Variants in CABIN1 observed in about 807,000 individuals in gnomAD.
CABIN1 encodes calcineurin binding protein 1, also known as calcineurin-binding protein cabin-1.
A neutral mutation model predicts 227.7 loss-of-function variants in CABIN1; 133 were observed. The ratio of observed to expected loss-of-function variants is 0.58; its 90% CI spans 0.51 to 0.67. The LOEUF is 0.67. Among genes scored for constraint, CABIN1 ranks in the 30% least tolerant of loss-of-function variants. The pLI is 0.00. For synonymous variants in CABIN1, 1,086 were observed against 1,155.1 expected (o/e 0.94, Z 1.21); for missense variants, 2,408 against 2,852.5 (o/e 0.84, Z 3.55).
At chr22:24,148,932 G>C (rs1304906932) in intron 29 of CABIN1, among the ~76,000 whole-genome samples, 1 of 152,146 alleles carries the variant, frequency 6.6e-6, no homozygotes, top group Non-Finnish European at 1.5e-5. Context: ...GGTGGCTTCA[G>C]TCTGGAAATT....
At chr22:24,133,364 G>T (rs890091908) in intron 28 of CABIN1, among the ~76,000 whole-genome samples, 4 of 152,242 alleles carry the variant, frequency 2.6e-5, no homozygotes, top group African/African-American at 9.6e-5. Context: ...AGCCTGGCCA[G>T]CAGTGGGCAG....
chr22:24,128,187 C>T (rs1428680844), intron 28 of CABIN1, among the ~76,000 whole-genome samples: 1 of 151,744 alleles, frequency 6.6e-6, no homozygotes, highest in East Asian at 1.9e-4. Flanking sequence ...TACACACAAA[C>T]AGACACACAC....
At chr22:24,170,543 A>T (rs2046738274) in intron 33 of CABIN1, among the ~76,000 whole-genome samples, 1 of 152,238 alleles carries the variant, frequency 6.6e-6, no homozygotes, top group African/African-American at 2.4e-5. Flanking sequence ...GGCCCGAGAG[A>T]CAGGTCTGTC....
chr22:24,148,505 G>A (rs905807618), intron 29 of CABIN1, among the ~76,000 whole-genome samples: 1 of 152,220 alleles, frequency 6.6e-6, no homozygotes, highest in Non-Finnish European at 1.5e-5. Flanking sequence ...GAAGACCATA[G>A]CACCTGGTCG....
chr22:24,038,994 G>A (rs2037145330), intron 4 of CABIN1, among the ~76,000 whole-genome samples: 1 of 152,194 alleles, frequency 6.6e-6, no homozygotes, highest in African/African-American at 2.4e-5. Context: ...CAGTAGAGAG[G>A]GGCAGGCAGA....
At chr22:24,082,702 C>T (rs1358646675) in intron 19 of CABIN1, among the ~76,000 whole-genome samples, 1 of 152,228 alleles carries the variant, frequency 6.6e-6, no homozygotes, top group Non-Finnish European at 1.5e-5. Flanking sequence ...ATGTTGTTCA[C>T]ATCCTCTCTG....
At chr22:24,161,525 C>G (rs2046152340) in intron 29 of CABIN1, among the ~76,000 whole-genome samples, 2 of 151,888 alleles carry the variant, frequency 1.3e-5, no homozygotes, top group Admixed American at 1.3e-4. Flanking sequence ...CGCGGCGACC[C>G]TGCTTCTCTC....
chr22:24,155,634 C>T (rs920372288), intron 29 of CABIN1, among the ~76,000 whole-genome samples: 6 of 152,202 alleles, frequency 3.9e-5, no homozygotes, highest in Middle Eastern at 3.2e-3. Flanking sequence ...CCAGTCGTTT[C>T]CCCCACACAC....
At chr22:24,040,931 C>T (rs762300952) in intron 4 of CABIN1, among the ~76,000 whole-genome samples, 1 of 152,176 alleles carries the variant, frequency 6.6e-6, no homozygotes, top group African/African-American at 2.4e-5. Flanking sequence ...CTATTAATAC[C>T]TCAGGGTGGT....
At chr22:24,142,164 C>T (rs1354480669) in intron 29 of CABIN1, among the ~76,000 whole-genome samples, 2 of 151,996 alleles carry the variant, frequency 1.3e-5, no homozygotes, top group Non-Finnish European at 2.9e-5. Flanking sequence ...TACAGTGGAC[C>T]CACCTTCCAG....
Position 24,035,506 on chromosome 22 carries a change from ATC to A in CABIN1, c.-6_-5del, listed in dbSNP as rs1249049618. 3 of 1,613,952 alleles carry A rather than the reference ATC, an allele frequency of 1.9e-6. No individual in the cohort carries two copies. The highest frequency in any genetic ancestry group is 2.7e-5 in the African/African-American group (2 of 74,880). ...GAAGTGATGCTCGTGGCAGTGCTGAATCTCTCTGAATATGGTAAGGACTGATG... is the reference window on the plus strand; with the variant it reads ...GAAGTGATGCTCGTGGCAGTGCTGAATCTCTGAATATGGTAAGGACTGATG... On this transcript the variant is annotated 5_prime_UTR_variant, in exon 2 of 37. An upstream open reading frame in the 5' UTR loses its in-frame stop. Transcript: ENST00000263119.
intron 16 of CABIN1, among the ~76,000 whole-genome samples, 182 bp from the exon 17 acceptor site, chr22:24,070,618 C>G (rs1216905716): frequency 1.3e-5 from 2 of 152,266 alleles, no homozygotes; most frequent in East Asian, 3.8e-4. Flanking sequence ...CCATTGCACA[C>G]AGGCCACTGG....
chr22:24,097,975 G>A, intron 25 of CABIN1, 39 bp from the exon 26 acceptor site: 3 of 1,613,584 alleles, frequency 1.9e-6, no homozygotes, highest in Non-Finnish European at 2.5e-6. Flanking sequence ...AATGTGAGGT[G>A]GAGACTCTGA....
At chr22:24,108,336 A>G (rs1222836315) in intron 26 of CABIN1, among the ~76,000 whole-genome samples, 10 of 152,130 alleles carry the variant, frequency 6.6e-5, no homozygotes, top group Non-Finnish European at 7.4e-5. Context: ...ACAGCCAGCA[A>G]ATGGGCTGCC....
intron 29 of CABIN1, among the ~76,000 whole-genome samples, chr22:24,160,105 G>A (rs957254922): frequency 6.6e-6 from 1 of 152,130 alleles, no homozygotes; most frequent in Non-Finnish European, 1.5e-5. Context: ...GGCAGCCTTG[G>A]CAGGTCACCT....
rs115884388 is a variant in CABIN1, at chr22:24,035,343, G to T, written c.-74-101G>T. 1,993 of 783,652 alleles carry T rather than the reference G, an allele frequency of 2.5e-3. 25 individuals are homozygous for T. The African/African-American group carries it at 0.03, about 12-fold the overall frequency. 48.5% of individuals were successfully genotyped at this position (783,652 alleles called of 1,614,324 possible). Reference sequence around the variant, plus strand: ...AAGGCAGCTCTTCACTGGCCTGTCTGCATAGAGCTCAGGGAAGGACTGGTT... The same window carrying T: ...AAGGCAGCTCTTCACTGGCCTGTCTTCATAGAGCTCAGGGAAGGACTGGTT... On this transcript the variant is annotated intron_variant, in intron 1 of 36. Transcript: ENST00000263119.
intron 1 of CABIN1, among the ~76,000 whole-genome samples, chr22:24,021,592 A>G (rs762395048): frequency 9.2e-5 from 14 of 152,058 alleles, no homozygotes; most frequent in Non-Finnish European, 1.5e-4. Flanking sequence ...ACACTGCCAT[A>G]CTTGGTGCGT....
At chr22:24,049,053 C>T (rs368934452) in intron 6 of CABIN1, 38 bp from the exon 7 acceptor site, 55 of 1,610,886 alleles carry the variant, frequency 3.4e-5, no homozygotes, top group Admixed American at 6.7e-5. Context: ...CTTCTGAGTG[C>T]GGTCTCAGAA....
chr22:24,039,333 G>A (rs1601729722), intron 4 of CABIN1, among the ~76,000 whole-genome samples: 2 of 152,154 alleles, frequency 1.3e-5, no homozygotes, highest in Admixed American at 6.5e-5. Context: ...TTTTGCTGCC[G>A]ATGAGATAGA....
Sources: gnomAD v4.1 joint callset for allele counts (sites outside exome capture counted in the v4.1 genomes callset) on GRCh38, gnomAD v4.1.1 for gene constraint, MANE v1.5 for transcripts, NCBI Gene and HGNC (gene_info 2026-07-23, HGNC 2026-07-21) for gene names.